SYTL2: variants seen among roughly 807,000 people sequenced by gnomAD.
The protein encoded by SYTL2 is synaptotagmin like 2, also known as synaptotagmin-like protein 2.
A neutral mutation model predicts 198.7 loss-of-function variants in SYTL2; 165 were observed. The ratio of observed to expected loss-of-function variants is 0.83; its 90% confidence interval spans 0.73 to 0.94. The LOEUF is 0.94. Among genes scored for constraint, SYTL2 ranks in the 40% least tolerant of loss-of-function variants. The pLI is 0.00. For synonymous variants in SYTL2, 966 were observed against 917.7 expected, an observed-to-expected ratio of 1.05 and a Z score of -0.95; for missense variants, 2,835 against 2,582.8, an observed-to-expected ratio of 1.10 and a Z score of -2.12.
chr11:85,709,899 T>C (rs2085952681), intron 13 of SYTL2, among the ~76,000 whole-genome samples: 1 of 152,150 alleles, frequency 6.6e-6, no homozygotes, highest in South Asian at 2.1e-4. Flanking sequence ...GCCAGGCTGG[T>C]CTCAAACTCC....
At position 85,759,245 on chromosome 11, in the gene SYTL2, CAAAA is replaced by C. The variant is rs752168650; in HGVS notation, c.-389-1135_-389-1132del. Among the ~76,000 whole-genome samples the C allele has an allele frequency of 9.1e-3, 532 of 58,528 alleles. 2 individuals are homozygous for C. Among genetic ancestry groups the C allele is most frequent in the African/African-American group, 0.03 (488 of 16,226 alleles). The allele number at this position is 58,528 out of a possible 152,430, so 38.4% of individuals were successfully genotyped here. On this transcript the variant is annotated intron_variant, in intron 1 of 19. Transcript: ENST00000359152. ...TGGGTGACAGAGTGAGACTCCTTATCAAAAAAAAAAAAAAAGAAAGAAAAAAAAA... is the reference window on the plus strand; with the variant it reads ...TGGGTGACAGAGTGAGACTCCTTATCAAAAAAAAAAAGAAAGAAAAAAAAA...
chr11:85,724,746 C>T lies in SYTL2; in HGVS notation c.4612G>A (p.Ala1538Thr), dbSNP rs1423582595. 1.9e-6 allele frequency: 3 copies of T among 1,613,372 alleles called. No individual in the cohort carries two copies. The highest frequency in any genetic ancestry group is 2.5e-6 in the Non-Finnish European group (3 of 1,179,794). ...TCCTCAGGATGGCATTCAGAAGTGG[C>T]TCGCCTGGGCTCCTCTGTACTACCT... ...LIGSTEEPRR[A>T]TSECHPEELK... Residue 1538 changes from alanine (A) to threonine (T), a missense_variant, in exon 8 of 20, where the codon GCC becomes ACC. Ala to Thr is a moderately conservative substitution (Grantham distance 58, BLOSUM62 0). Coordinates refer to ENST00000359152, the MANE Select transcript of SYTL2 (RefSeq NM_206927.4).
At chr11:85,846,326 G>A in the SYTL2 span, among the ~76,000 whole-genome samples, 1 of 152,198 alleles carries the variant, frequency 6.6e-6, no homozygotes, top group Non-Finnish European at 1.5e-5. Flanking sequence ...GCTTACAGTA[G>A]TCATAAGACC....
chr11:85,824,542 A>G, the SYTL2 span, among the ~76,000 whole-genome samples: 1 of 152,228 alleles, frequency 6.6e-6, no homozygotes, highest in Non-Finnish European at 1.5e-5. Context: ...AATGGTTTGT[A>G]TTGAGTAACA....
intron 7 of SYTL2, 39 bp from the exon 8 acceptor site, chr11:85,728,006 A>G: frequency 5.3e-6 from 8 of 1,501,888 alleles, no homozygotes; most frequent in Non-Finnish European, 7.2e-6. Context: ...AGAAAAGAGC[A>G]TGCTTAAAGA....
chr11:85,826,724 C>T, the SYTL2 span, among the ~76,000 whole-genome samples: 2 of 152,168 alleles, frequency 1.3e-5, no homozygotes, highest in Non-Finnish European at 2.9e-5. Flanking sequence ...CGTTTAACTC[C>T]CTTCAGCCTG....
the SYTL2 span, among the ~76,000 whole-genome samples, chr11:85,821,675 CTATA>C: frequency 6.6e-6 from 1 of 152,140 alleles, no homozygotes; most frequent in Non-Finnish European, 1.5e-5. Flanking sequence ...GGGACAGGAG[CTATA>C]TATATGTCCA....
chr11:85,782,378 C>T (rs2092575095), intron 1 of SYTL2, among the ~76,000 whole-genome samples: 3 of 152,200 alleles, frequency 2.0e-5, no homozygotes, highest in African/African-American at 4.8e-5. Flanking sequence ...TTTTCCCTTC[C>T]TAGGCCTCCA....
chr11:85,708,050 C>T, intron 14 of SYTL2: 1 of 377,820 alleles, frequency 2.6e-6, no homozygotes, highest in Non-Finnish European at 5.1e-6. Flanking sequence ...GTAATTCCAG[C>T]TAGTCAGGAG....
chr11:85,853,051 C>A, the SYTL2 span: 2 of 305,770 alleles, frequency 6.5e-6, no homozygotes, highest in Non-Finnish European at 1.3e-5. Context: ...GTGAGGAGCG[C>A]CTCCGCCCGG....
In SYTL2 at chr11:85,734,705, T is replaced by C. The variant is rs1331322647; in HGVS notation, c.624A>G (p.Ala208=). 2.5e-6 allele frequency: 4 copies of C among 1,613,470 alleles called. No individual in the cohort carries two copies. The highest frequency in any genetic ancestry group is 3.4e-6 in the Non-Finnish European group (4 of 1,179,888). The change falls in exon 7 of 20, where the codon GCA becomes GCG. Residue 208 remains alanine (A), a synonymous_variant. Coordinates refer to ENST00000359152, the MANE Select transcript of SYTL2 (RefSeq NM_206927.4). ...LSESKEKSTV[A]DTSIQKLEKS... is the part of the protein sequence containing the mutation. ...TCTCTAACTTTTGGATTGAAGTATC[T>C]GCGACAGTTGACTTTTCTTTTGACT...
At chr11:85,722,139 T>C (rs993822135) in intron 8 of SYTL2, among the ~76,000 whole-genome samples, 1 of 151,612 alleles carries the variant, frequency 6.6e-6, no homozygotes, top group Non-Finnish European at 1.5e-5. Flanking sequence ...CTTGTTATTC[T>C]AAAATGTCTT....
rs956962763 is a variant in SYTL2, at chr11:85,694,647, C to G, written c.*548G>C. 2.0e-5 allele frequency: 3 copies of G among 152,128 alleles called. No homozygotes were observed. Among genetic ancestry groups the G allele is most frequent in the African/African-American group, 7.2e-5 (3 of 41,426 alleles). 9.4% of individuals were successfully genotyped at this position (152,128 alleles called of 1,614,324 possible). ...GCAGAAAAACACCAGTAGTTTCAGTCTCATTGCCCTAATATGGAATTCCAT... is the reference window on the plus strand; with the variant it reads ...GCAGAAAAACACCAGTAGTTTCAGTGTCATTGCCCTAATATGGAATTCCAT... On this transcript the variant is annotated 3_prime_UTR_variant, in exon 20 of 20. Coordinates refer to ENST00000359152, the MANE Select transcript of SYTL2 (RefSeq NM_206927.4).
At chr11:85,772,333 C>T (rs144429191) in intron 1 of SYTL2, among the ~76,000 whole-genome samples, 165 of 152,296 alleles carry the variant, frequency 1.1e-3, no homozygotes, top group African/African-American at 3.8e-3. Context: ...TCCTGAGACA[C>T]AATAGGAAGT....
chr11:85,846,688 A>C, the SYTL2 span, among the ~76,000 whole-genome samples: 1 of 150,242 alleles, frequency 6.7e-6, no homozygotes, highest in Non-Finnish European at 1.5e-5. Flanking sequence ...CAGCCTCCCA[A>C]AGTGCTGGGA....
chr11:85,795,001 C>T (rs1314886336), intron 1 of SYTL2, among the ~76,000 whole-genome samples: 1 of 151,976 alleles, frequency 6.6e-6, no homozygotes, highest in Non-Finnish European at 1.5e-5. Context: ...TCCACATTTA[C>T]ATTTCAGAAG....
intron 4 of SYTL2, among the ~76,000 whole-genome samples, chr11:85,739,645 C>T (rs1398426556): frequency 6.6e-6 from 1 of 152,154 alleles, no homozygotes; most frequent in East Asian, 1.9e-4. Context: ...ACTGCAACCA[C>T]CTTATTCTCA....
At chr11:85,706,327 A>G (rs1363664872) in intron 15 of SYTL2, among the ~76,000 whole-genome samples, 11 of 152,244 alleles carry the variant, frequency 7.2e-5, no homozygotes, top group Admixed American at 7.2e-4. Flanking sequence ...CCAAAGACAC[A>G]CAGTTTACAA....
At chr11:85,844,802 C>T in the SYTL2 span, among the ~76,000 whole-genome samples, 4 of 152,150 alleles carry the variant, frequency 2.6e-5, no homozygotes, top group Non-Finnish European at 4.4e-5. Context: ...CTGTTCCCAG[C>T]CTCCTCTACA....
Sources: gnomAD v4.1 joint callset for allele counts (sites outside exome capture counted in the v4.1 genomes callset) on GRCh38, gnomAD v4.1.1 for gene constraint, MANE v1.5 for transcripts, NCBI Gene and HGNC (gene_info 2026-07-23, HGNC 2026-07-21) for gene names.